Variants in DPP6 observed in about 807,000 individuals in gnomAD.
DPP6 encodes A-type potassium channel modulatory protein DPP6.
DPP6 carries 69 observed loss-of-function variants against 122.6 expected under a neutral mutation model. The ratio of observed to expected loss-of-function variants is 0.56; its 90% confidence interval spans 0.46 to 0.69. DPP6 has a LOEUF of 0.69. DPP6 is among the 30% of genes least tolerant of loss of function. The pLI is 0.00. For missense variants in DPP6, 928 were observed against 1,116.9 expected (o/e 0.83, Z 2.41); for synonymous variants, 418 against 433.1 (o/e 0.97, Z 0.43).
At chr7:154,458,917 A>G (rs1222153083) in intron 2 of DPP6, among the ~76,000 whole-genome samples, 1 of 152,236 alleles carries the variant, frequency 6.6e-6, no homozygotes, top group African/African-American at 2.4e-5. Flanking sequence ...GTTCTTTACC[A>G]TCTTCACCAC....
intron 1 of DPP6, among the ~76,000 whole-genome samples, chr7:154,257,117 C>A (rs1802708285): frequency 6.6e-6 from 1 of 151,578 alleles, no homozygotes; most frequent in African/African-American, 2.4e-5. Flanking sequence ...CCACCTCAGC[C>A]TCCTGAGTAG....
intron 1 of DPP6, among the ~76,000 whole-genome samples, chr7:154,353,344 G>A (rs1811026495): frequency 6.6e-6 from 1 of 152,168 alleles, no homozygotes; most frequent in Non-Finnish European, 1.5e-5. Flanking sequence ...TATTGAAGGG[G>A]AGATACATGA....
In DPP6 at chr7:154,883,896, CAT is replaced by C. The variant is rs1805767325; in HGVS notation, c.2134-1736_2134-1735del. The C allele has an allele frequency of 1.5e-5, 2 of 130,840 alleles. 1 individual carries two copies. Among genetic ancestry groups the C allele is most frequent in the African/African-American group, 5.8e-5 (2 of 34,312 alleles). 8.1% of individuals were successfully genotyped at this position (130,840 alleles called of 1,614,324 possible). On this transcript the variant is annotated intron_variant, in intron 21 of 25. Coordinates refer to ENST00000377770, the MANE Select transcript of DPP6 (RefSeq NM_130797.4). ...TCCCACATACATACATGCTCACACA[CAT>C]TACATACACATGCTCACACACGCTC...
intron 1 of DPP6, chr7:154,305,337 C>CGG: frequency 3.0e-6 from 1 of 331,198 alleles, no homozygotes; most frequent in Non-Finnish European, 4.2e-6. Context: ...GTCTTGTCTA[C>CGG]CCACCCTCCC....
At chr7:154,722,859 G>C (rs1048098529) in intron 7 of DPP6, among the ~76,000 whole-genome samples, 1 of 152,152 alleles carries the variant, frequency 6.6e-6, no homozygotes, top group East Asian at 1.9e-4. Flanking sequence ...CCCAATATTT[G>C]ATCTCAGCAT....
rs34345128 is a variant in DPP6 at position 153,890,683 on chromosome 7, C to CTTTTT, written c.51+2971_51+2975dup. Among the ~76,000 whole-genome samples the CTTTTT allele has an allele frequency of 9.3e-4, 76 of 81,996 alleles. 8 individuals carry two copies. Among genetic ancestry groups the CTTTTT allele is most frequent in the African/African-American group, 4.0e-3 (70 of 17,456 alleles). The allele number at this position is 81,996 out of a possible 152,430, so 53.8% of individuals were successfully genotyped here. ...TACCACAGGTGGAATCAGTTTAGAA[C>CTTTTT]TTTTTTTTTTTTTTTTTTTTTTTTT... On this transcript the variant is annotated intron_variant, in intron 1 of 25. Transcript: ENST00000404039.
At chr7:154,127,644 C>G (rs6952919) in intron 1 of DPP6, among the ~76,000 whole-genome samples, 20 of 67,062 alleles carry the variant, frequency 3.0e-4, no homozygotes, top group East Asian at 5.8e-4. Flanking sequence ...GACACACACA[C>G]ACACACAGAC....
intron 8 of DPP6, among the ~76,000 whole-genome samples, chr7:154,768,096 A>G (rs115923366): frequency 0.024 from 3,719 of 152,308 alleles, 132 homozygotes; most frequent in African/African-American, 0.084. Flanking sequence ...CAGGAGGATC[A>G]TGGGCAGCGT....
chr7:154,079,844 C>A (rs1358604069), intron 1 of DPP6, among the ~76,000 whole-genome samples: 2 of 151,790 alleles, frequency 1.3e-5, no homozygotes, highest in Non-Finnish European at 2.9e-5. Flanking sequence ...TTTACAACTG[C>A]ACGATGGCAC....
intron 13 of DPP6, among the ~76,000 whole-genome samples, chr7:154,802,950 G>C (rs1798461705): frequency 6.6e-6 from 1 of 152,166 alleles, no homozygotes; most frequent in Admixed American, 6.5e-5. Context: ...CATTCCAGCA[G>C]GAAGCAGGTC....
At chr7:154,652,404 GGT>G (rs1836932702) in intron 6 of DPP6, among the ~76,000 whole-genome samples, 1 of 30,488 alleles carries the variant, frequency 3.3e-5, no homozygotes, top group African/African-American at 1.1e-4. Flanking sequence ...CTAAGTCTGT[GGT>G]TTTTTTTTTT....
At chr7:154,644,916 G>T (rs988064828) in intron 6 of DPP6, among the ~76,000 whole-genome samples, 11 of 151,996 alleles carry the variant, frequency 7.2e-5, no homozygotes, top group Admixed American at 1.3e-4. Context: ...TCACTGTCTT[G>T]CTCAGGGTAG....
At chr7:153,781,977 T>TACACACACACAC in the DPP6 span, among the ~76,000 whole-genome samples, 5 of 89,760 alleles carry the variant, frequency 5.6e-5, no homozygotes, top group Admixed American at 1.0e-4. Context: ...CCCCAGAGAA[T>TACACACACACAC]ACACACACAC....
At chr7:154,284,711 C>T (rs577684101) in intron 1 of DPP6, among the ~76,000 whole-genome samples, 12 of 152,192 alleles carry the variant, frequency 7.9e-5, no homozygotes, top group East Asian at 3.9e-4. Flanking sequence ...AAAAATTAGC[C>T]GGGCGTGGTG....
intron 1 of DPP6, among the ~76,000 whole-genome samples, chr7:154,325,893 G>A (rs550247277): frequency 7.2e-5 from 11 of 152,002 alleles, no homozygotes; most frequent in African/African-American, 2.7e-4. Flanking sequence ...TACTTTTTTG[G>A]AGGTTTTGTT....
upstream of DPP6, among the ~76,000 whole-genome samples, chr7:153,886,112 TACACACACAC>T (rs60245538): frequency 8.5e-3 from 1,199 of 140,402 alleles, 11 homozygotes; most frequent in South Asian, 0.011. Context: ...GGCACGCCCT[TACACACACAC>T]ACACACACAC....
chr7:154,798,211 C>T (rs551361468), intron 12 of DPP6, among the ~76,000 whole-genome samples: 37 of 152,340 alleles, frequency 2.4e-4, no homozygotes, highest in African/African-American at 7.5e-4. Context: ...GTGCATGGTC[C>T]CTGGAGGCCC....
At chr7:153,991,156 A>T (rs1331614371) in intron 1 of DPP6, among the ~76,000 whole-genome samples, 1 of 152,184 alleles carries the variant, frequency 6.6e-6, no homozygotes. Context: ...TGGATGGGAA[A>T]GGAGGAAGTA....
At chr7:154,375,764 TTATGGCA>T (rs1334745745) in intron 1 of DPP6, among the ~76,000 whole-genome samples, 2 of 152,200 alleles carry the variant, frequency 1.3e-5, no homozygotes, top group African/African-American at 4.8e-5. Flanking sequence ...TGGTATTTCA[TTATGGCA>T]GCTGGAGCAG....
Sources: allele counts gnomAD v4.1 joint callset (sites outside exome capture counted in the v4.1 genomes callset), GRCh38; gene constraint gnomAD v4.1.1; transcripts MANE v1.5; gene names NCBI Gene and HGNC (gene_info 2026-07-23, HGNC 2026-07-21).